CAT: variants seen among roughly 807,000 people sequenced by gnomAD.
CAT encodes the protein epididymis secretory sperm binding protein.
CAT carries 43 observed loss-of-function variants against 59.0 expected under a neutral mutation model. The ratio of observed to expected loss-of-function variants is 0.73; its 90% CI spans 0.57 to 0.94. The LOEUF (loss-of-function observed/expected upper bound fraction) is 0.94. Among genes scored for constraint, CAT ranks in the 40% least tolerant of loss-of-function variants. The pLI, the probability that CAT is intolerant of heterozygous loss-of-function variation, is 0.00. For synonymous variants in CAT, 218 were observed against 230.9 expected, an observed-to-expected ratio of 0.94 and a Z score of 0.51; for missense variants, 664 against 682.9, an observed-to-expected ratio of 0.97 and a Z score of 0.31.
In CAT at chr11:34,467,598, T is replaced by A. The variant is rs1386953541; in HGVS notation, c.1327-690T>A. 3.9e-5 allele frequency among the ~76,000 whole-genome samples: 6 copies of A among 152,296 alleles called. No homozygotes were observed. The East Asian group carries it at 1.2e-3, about 29-fold the overall frequency. On this transcript the variant is annotated intron_variant, in intron 10 of 12. Transcript: ENST00000241052. ...CACATTATAGATACTCAATATTTGTTGAATGAGTGGAATGAATGAATGAAA... is the reference window on the plus strand; with the variant it reads ...CACATTATAGATACTCAATATTTGTAGAATGAGTGGAATGAATGAATGAAA...
In CAT at chr11:34,468,390, A is replaced by G; in HGVS notation, c.1429A>G (p.Lys477Glu). ...GGATGCACAAATTTTCATCCAGAAG[A>G]AAGCGGTGAGTCTTTGTAAGCTGAA... ...LKDAQIFIQKKAVKNFTEVHP... is the reference protein window; with the variant it reads ...LKDAQIFIQKEAVKNFTEVHP... Residue 477 changes from lysine (K) to glutamate (E), a missense_variant, in exon 11 of 13, where the codon AAA becomes GAA. By Grantham distance (56) the Lys-to-Glu change is moderately conservative (BLOSUM62 1). Transcript: ENST00000241052. 5 of 1,612,276 alleles carry G rather than the reference A, an allele frequency of 3.1e-6. No individual in the cohort carries two copies. The highest frequency in any genetic ancestry group is 4.2e-6 in the Non-Finnish European group (5 of 1,178,264).
chr11:34,464,781 T>C (rs967065076), intron 10 of CAT, among the ~76,000 whole-genome samples: 1 of 152,108 alleles, frequency 6.6e-6, no homozygotes, highest in Non-Finnish European at 1.5e-5. Context: ...TGTTTTATCA[T>C]GGTTGTGGCT....
intron 11 of CAT, 128 bp from the exon 12 acceptor site, chr11:34,470,830 T>C (rs1411158380): frequency 2.5e-6 from 2 of 807,082 alleles, no homozygotes; most frequent in African/African-American, 3.4e-5. Context: ...GTTAAACACC[T>C]GTAGTACTGC....
At chr11:34,454,789 A>G (rs1219810000) in intron 6 of CAT, among the ~76,000 whole-genome samples, 1 of 152,248 alleles carries the variant, frequency 6.6e-6, no homozygotes, top group Non-Finnish European at 1.5e-5. Context: ...AAGTGGTTGT[A>G]TCTAGGACAG....
At chr11:34,464,802 A>T (rs1191164087) in intron 10 of CAT, among the ~76,000 whole-genome samples, 1 of 151,718 alleles carries the variant, frequency 6.6e-6, no homozygotes, top group Non-Finnish European at 1.5e-5. Context: ...CTTCCACAAC[A>T]ATGGAAAACT....
At chr11:34,459,566 C>T (rs937841385) in intron 8 of CAT, among the ~76,000 whole-genome samples, 8 of 152,104 alleles carry the variant, frequency 5.3e-5, no homozygotes, top group Admixed American at 1.3e-4. Context: ...GAAGTTGGGC[C>T]GGTTGCTTGG....
chr11:34,454,011 G>A (rs556723718), intron 6 of CAT, 85 bp downstream of exon 6: 8 of 1,442,688 alleles, frequency 5.5e-6, no homozygotes, highest in Middle Eastern at 2.1e-4. Flanking sequence ...AAAGATTAAG[G>A]CTTCTCCCAC....
Position 34,449,360 on chromosome 11 carries a change from G to A in CAT, c.235G>A (p.Ala79Thr), listed in dbSNP as rs1046257600. The change falls in exon 2 of 13, where the codon GCA becomes ACA. Residue 79 changes from alanine (A) to threonine (T), a missense_variant. Ala to Thr is a moderately conservative substitution (Grantham distance 58). Coordinates refer to ENST00000241052, the MANE Select transcript of CAT (RefSeq NM_001752.4). ...IPERVVHAKG[A>T]GAFGYFEVTH... ...TGAGAGAGTTGTGCATGCTAAAGGA[G>A]CAGGTAAGTGCTGTGTTTATTTGCT... 6.2e-7 allele frequency: 1 copy of A among 1,613,608 alleles called. No individual in the cohort carries two copies. The highest frequency in any genetic ancestry group is 8.5e-7 in the Non-Finnish European group (1 of 1,179,536).
In CAT at chr11:34,453,118, G is replaced by A; in HGVS notation, c.509G>A (p.Arg170Lys). The stretch of plus-strand genomic sequence containing the variant: ...CCATCTTTTATCCACAGCCAAAAGA[G>A]AAATCCTCAGACACATCTGAAGGAT... Reference protein sequence around the residue: ...LFPSFIHSQKRNPQTHLKDPD... With the variant: ...LFPSFIHSQKKNPQTHLKDPD... Residue 170 changes from arginine (R) to lysine (K), a missense_variant, in exon 5 of 13, where the codon AGA (arginine) becomes AAA (lysine). Transcript: ENST00000241052. The A allele has an allele frequency of 6.2e-7, 1 of 1,612,984 alleles. No individual in the cohort carries two copies. The highest frequency in any genetic ancestry group is 8.5e-7 in the Non-Finnish European group (1 of 1,179,108).
intron 1 of CAT, among the ~76,000 whole-genome samples, chr11:34,445,509 A>AG (rs1856440949): frequency 2.0e-5 from 3 of 150,162 alleles, no homozygotes; most frequent in Non-Finnish European, 4.4e-5. Flanking sequence ...AAAAAAAAAA[A>AG]AAAAAAAAAA....
intron 5 of CAT, among the ~76,000 whole-genome samples, chr11:34,453,413 G>T (rs1856552675): frequency 6.6e-6 from 1 of 152,138 alleles, no homozygotes; most frequent in African/African-American, 2.4e-5. Flanking sequence ...TAGCAACATT[G>T]TCAGTTGATA....
chr11:34,465,645 G>T (rs551929), intron 10 of CAT, among the ~76,000 whole-genome samples: 13,815 of 152,206 alleles, frequency 0.091, 795 homozygotes, highest in East Asian at 0.24. Context: ...TGGTTTTTAA[G>T]TAATCACAAT....
chr11:34,439,247 C>T (rs1856356621), intron 1 of CAT, among the ~76,000 whole-genome samples, 168 bp downstream of exon 1: 1 of 152,146 alleles, frequency 6.6e-6, no homozygotes, highest in Admixed American at 6.5e-5. Context: ...TTCGCCGAAG[C>T]AGGGGAGGGG....
intron 1 of CAT, among the ~76,000 whole-genome samples, chr11:34,447,230 A>G (rs2133179676): frequency 6.6e-6 from 1 of 152,220 alleles, no homozygotes; most frequent in Non-Finnish European, 1.5e-5. Context: ...AAAATAGCCC[A>G]GGCCTCACCC....
chr11:34,471,497 G>A lies in CAT; in HGVS notation c.*64G>A. 2.9e-6 allele frequency: 4 copies of A among 1,374,848 alleles called. No homozygotes were observed. Among genetic ancestry groups the A allele is most frequent in the Admixed American group, 3.3e-5 (2 of 59,744 alleles). 85.2% of individuals were successfully genotyped at this position (1,374,848 alleles called of 1,614,324 possible). A position where few individuals can be genotyped will look rare whatever the true frequency, so the allele number is the denominator to read the frequency against. ...CATCCGTGTAACCCGCTCATCACTGGATGAAGATTCTCCTGTGCTAGATGT... is the reference window on the plus strand; with the variant it reads ...CATCCGTGTAACCCGCTCATCACTGAATGAAGATTCTCCTGTGCTAGATGT... On this transcript the variant is annotated 3_prime_UTR_variant, in exon 13 of 13. Transcript: ENST00000241052.
At chr11:34,453,483 G>A (rs138388287) in intron 5 of CAT, among the ~76,000 whole-genome samples, 2 of 152,268 alleles carry the variant, frequency 1.3e-5, no homozygotes, top group African/African-American at 4.8e-5. Context: ...TTAAGGAAGT[G>A]GGGGGAAAGT....
Position 34,450,493 on chromosome 11 carries a change from A to G in CAT, c.239-495A>G, listed in dbSNP as rs188788757. Among the ~76,000 whole-genome samples, 154 of 152,248 alleles carry G rather than the reference A, an allele frequency of 1.0e-3. 3 individuals are homozygous for G. Among genetic ancestry groups the G allele is most frequent in the Non-Finnish European group, 2.4e-4 (16 of 68,010 alleles). On this transcript the variant is annotated intron_variant, in intron 2 of 12. Coordinates refer to ENST00000241052, the MANE Select transcript of CAT (RefSeq NM_001752.4). ...TTGGACTTCCAGTTAGGACTTCTGC[A>G]TTTCTTCATCTCTTCTTCCTGGATA...
At chr11:34,441,109 T>C (rs951191001) in intron 1 of CAT, among the ~76,000 whole-genome samples, 15 of 152,228 alleles carry the variant, frequency 9.9e-5, no homozygotes, top group Non-Finnish European at 1.8e-4. Context: ...TTCCTCAGTT[T>C]TAGCTGCTCT....
chr11:34,461,417 T>G, intron 9 of CAT, 28 bp downstream of exon 9: 1 of 1,613,822 alleles, frequency 6.2e-7, no homozygotes, highest in Non-Finnish European at 8.5e-7. Context: ...GGGCTCCCCC[T>G]GCGTGGGCAG....
Sources: gnomAD v4.1 joint callset for allele counts (sites outside exome capture counted in the v4.1 genomes callset) on GRCh38, gnomAD v4.1.1 for gene constraint, MANE v1.5 for transcripts, NCBI Gene and HGNC (gene_info 2026-07-23, HGNC 2026-07-21) for gene names.